KCNJ6: variants seen among roughly 807,000 people sequenced by gnomAD.
KCNJ6 encodes potassium inwardly rectifying channel subfamily J member 6.
Under a neutral mutation model 34.2 loss-of-function variants are expected in KCNJ6, and 9 were observed. That is an observed-to-expected ratio of 0.26 (90% CI 0.16 to 0.46). The LOEUF (loss-of-function observed/expected upper bound fraction) is 0.46. Ranked by LOEUF, KCNJ6 falls within the 20% of genes least tolerant of loss-of-function variation. The pLI, the probability that KCNJ6 is intolerant of heterozygous loss-of-function variation, is 1.00. For synonymous variants in KCNJ6, 196 were observed against 207.1 expected, an observed-to-expected ratio of 0.95 and a Z score of 0.46; for missense variants, 236 against 531.3, an observed-to-expected ratio of 0.44 and a Z score of 5.46.
intron 2 of KCNJ6, among the ~76,000 whole-genome samples, chr21:37,769,959 G>C (rs1466913950): frequency 1.3e-5 from 2 of 152,128 alleles, no homozygotes; most frequent in South Asian, 4.1e-4. Context: ...GAACCTACTG[G>C]TGCCTTGATC....
chr21:37,830,888 T>C (rs1192005198), intron 2 of KCNJ6, among the ~76,000 whole-genome samples: 2 of 152,216 alleles, frequency 1.3e-5, no homozygotes, highest in African/African-American at 2.4e-5. Context: ...CACATGCTCA[T>C]TCTGGATATG....
rs1569438821 is a variant in KCNJ6, at chr21:37,655,211, GTGTGTGTGTGTGTGAGAGAGAGAGAGAGA to G, written c.947-29756_947-29728del. Among the ~76,000 whole-genome samples, 353 of 58,974 alleles carry G rather than the reference GTGTGTGTGTGTGTGAGAGAGAGAGAGAGA, an allele frequency of 6.0e-3. 3 individuals are homozygous for G. Among genetic ancestry groups the G allele is most frequent in the African/African-American group, 0.014 (274 of 19,812 alleles). The allele number at this position is 58,974 out of a possible 152,430, so 38.7% of individuals were successfully genotyped here. A position where few individuals can be genotyped will look rare whatever the true frequency, so the allele number is the denominator to read the frequency against. The stretch of plus-strand genomic sequence containing the variant: ...TGTGTGTGTGTGTGTGTGTGTGTGT[GTGTGTGTGTGTGTGAGAGAGAGAGAGAGA>G]GAGAGAGAGAGAGAGAGAGAGAGAG... On this transcript the variant is annotated intron_variant, in intron 3 of 3. Coordinates refer to ENST00000609713, the MANE Select transcript of KCNJ6 (RefSeq NM_002240.5).
intron 3 of KCNJ6, among the ~76,000 whole-genome samples, chr21:37,654,677 G>A (rs2054449574): frequency 6.6e-6 from 1 of 152,174 alleles, no homozygotes. Context: ...GGTGGTTCTT[G>A]CTACTTCCAT....
intron 3 of KCNJ6, among the ~76,000 whole-genome samples, chr21:37,637,119 A>G: frequency 6.6e-6 from 1 of 152,254 alleles, no homozygotes; most frequent in East Asian, 1.9e-4. Context: ...TTGTGCACTT[A>G]GAAGTCAGTG....
At chr21:37,880,621 T>TTTGCATTTTCTGTTA (rs557316086) in intron 1 of KCNJ6, among the ~76,000 whole-genome samples, 92 of 152,332 alleles carry the variant, frequency 6.0e-4, no homozygotes, top group African/African-American at 2.1e-3. Flanking sequence ...ATCAGACGGC[T>TTTGCATTTTCTGTTA]TTGCATTTTC....
At chr21:37,808,622 A>T (rs577685671) in intron 2 of KCNJ6, among the ~76,000 whole-genome samples, 1 of 152,232 alleles carries the variant, frequency 6.6e-6, no homozygotes, top group Non-Finnish European at 1.5e-5. Context: ...GATATCTAAG[A>T]TGTTAGAACA....
At chr21:37,900,889 T>A (rs2055813725) in intron 1 of KCNJ6, among the ~76,000 whole-genome samples, 1 of 152,216 alleles carries the variant, frequency 6.6e-6, no homozygotes, top group Admixed American at 6.5e-5. Flanking sequence ...GAGAAGTTGA[T>A]GATGAATTAT....
intron 1 of KCNJ6, among the ~76,000 whole-genome samples, chr21:37,860,226 C>T (rs892182775): frequency 6.6e-6 from 1 of 152,164 alleles, no homozygotes; most frequent in African/African-American, 2.4e-5. Context: ...ATAATTTAGC[C>T]CTTAATTGTT....
At chr21:37,655,293 A>T in intron 3 of KCNJ6, among the ~76,000 whole-genome samples, 1 of 144,828 alleles carries the variant, frequency 6.9e-6, no homozygotes, top group African/African-American at 2.6e-5. Flanking sequence ...GAGTGTAACC[A>T]TGAAGAGGTA....
intron 3 of KCNJ6, among the ~76,000 whole-genome samples, chr21:37,658,200 TAA>T (rs1188072014): frequency 6.6e-6 from 1 of 152,178 alleles, no homozygotes. Flanking sequence ...AAGTGGAAAA[TAA>T]AAGAGATCAG....
At chr21:37,812,330 A>G (rs535593203) in intron 2 of KCNJ6, among the ~76,000 whole-genome samples, 5 of 152,322 alleles carry the variant, frequency 3.3e-5, no homozygotes, top group South Asian at 4.1e-4. Context: ...CTTGAATCCT[A>G]GAGAGTCCCT....
chr21:37,775,127 T>C (rs888704527), intron 2 of KCNJ6, among the ~76,000 whole-genome samples: 13 of 152,280 alleles, frequency 8.5e-5, no homozygotes, highest in Admixed American at 2.6e-4. Flanking sequence ...TTCATGTGTC[T>C]TTTGGCTGCA....
intron 1 of KCNJ6, among the ~76,000 whole-genome samples, chr21:37,861,773 C>T (rs532456592): frequency 6.6e-6 from 1 of 152,272 alleles, no homozygotes; most frequent in South Asian, 2.1e-4. Context: ...TGAGAAGCAC[C>T]AAACTGGGGA....
chr21:37,864,094 T>C (rs1427620211), intron 1 of KCNJ6, among the ~76,000 whole-genome samples: 4 of 149,524 alleles, frequency 2.7e-5, no homozygotes, highest in African/African-American at 9.9e-5. Context: ...GAAAGGAATA[T>C]GCAATTCTCC....
chr21:37,730,563 A>C (rs546575211), intron 2 of KCNJ6, among the ~76,000 whole-genome samples: 1 of 152,350 alleles, frequency 6.6e-6, no homozygotes, highest in Admixed American at 6.5e-5. Context: ...GAAGGTACAC[A>C]ATTTGTAACT....
At chr21:37,704,141 T>C (rs1601427253) in intron 3 of KCNJ6, among the ~76,000 whole-genome samples, 1 of 152,328 alleles carries the variant, frequency 6.6e-6, no homozygotes, top group East Asian at 1.9e-4. Flanking sequence ...TGAGGTCCCT[T>C]TGGGGGAACA....
Position 37,796,065 on chromosome 21 carries a change from T to C in KCNJ6, c.25+44593A>G, listed in dbSNP as rs572783148. Among the ~76,000 whole-genome samples the C allele has an allele frequency of 1.2e-4, 18 of 152,232 alleles. 1 individual carries two copies. In the South Asian group the frequency reaches 3.1e-3, roughly 26 times the overall value. On this transcript the variant is annotated intron_variant, in intron 2 of 3. Transcript: ENST00000609713. The stretch of plus-strand genomic sequence containing the variant: ...GAGGGGAAGGGCAGCCATGGAGGAC[T>C]GGAGTCTGTTGGGAGAGAGCAGCGC...
chr21:37,898,764 A>G (rs2055802210), intron 1 of KCNJ6, among the ~76,000 whole-genome samples: 1 of 152,208 alleles, frequency 6.6e-6, no homozygotes, highest in Non-Finnish European at 1.5e-5. Context: ...ATCTGCAGGT[A>G]ATATCAAAGC....
chr21:37,716,583 A>G lies in KCNJ6; in HGVS notation c.26-1452T>C, dbSNP rs568175821. ...TTTTCATGGAGACGGGGGTCTCACT[A>G]TGTTGCTCAGACTGGTCTTGAACTC... On this transcript the variant is annotated intron_variant, in intron 2 of 3. Transcript: ENST00000609713. Among the ~76,000 whole-genome samples, 65 of 151,972 alleles carry G rather than the reference A, an allele frequency of 4.3e-4. No individual in the cohort carries two copies. The South Asian group carries it at 0.013, about 30-fold the overall frequency.
Sources: allele counts gnomAD v4.1 joint callset (sites outside exome capture counted in the v4.1 genomes callset), GRCh38; gene constraint gnomAD v4.1.1; transcripts MANE v1.5; gene names NCBI Gene and HGNC (gene_info 2026-07-23, HGNC 2026-07-21).